RAPGEF5: variants seen among roughly 807,000 people sequenced by gnomAD.
RAPGEF5 encodes the protein M-Ras-regulated GEF.
A neutral mutation model predicts 125.2 loss-of-function variants in RAPGEF5; 65 were observed. The ratio of observed to expected loss-of-function variants is 0.52; its 90% CI spans 0.43 to 0.64. The LOEUF (loss-of-function observed/expected upper bound fraction) is 0.64. Ranked by LOEUF, RAPGEF5 falls within the 30% of genes least tolerant of loss-of-function variation. RAPGEF5 has a pLI of 0.00. For missense variants in RAPGEF5, 958 were observed against 1,048.1 expected (o/e 0.91, Z 1.19); for synonymous variants, 391 against 385.9 (o/e 1.01, Z -0.16).
intron 25 of RAPGEF5, among the ~76,000 whole-genome samples, chr7:22,124,907 C>T (rs931723753): frequency 1.3e-5 from 2 of 152,270 alleles, no homozygotes; most frequent in East Asian, 1.9e-4. Flanking sequence ...GGTTAATAAT[C>T]CCCATTTGCT....
At chr7:22,334,414 A>G (rs1378445405) in intron 1 of RAPGEF5, among the ~76,000 whole-genome samples, 1 of 152,256 alleles carries the variant, frequency 6.6e-6, no homozygotes, top group Non-Finnish European at 1.5e-5. Context: ...GTCTTTATGT[A>G]TCCTCTGTCG....
intron 1 of RAPGEF5, among the ~76,000 whole-genome samples, chr7:22,336,239 C>G (rs1449487232): frequency 6.6e-6 from 1 of 152,186 alleles, no homozygotes; most frequent in Non-Finnish European, 1.5e-5. Context: ...TGACTGCCAC[C>G]TTACATCTGT....
At chr7:22,139,666 T>C (rs578238629) in intron 21 of RAPGEF5, 78 of 173,224 alleles carry the variant, frequency 4.5e-4, no homozygotes, top group South Asian at 2.0e-3. Flanking sequence ...TGTGAACACA[T>C]TGCCAGGGGC....
intron 8 of RAPGEF5, among the ~76,000 whole-genome samples, chr7:22,222,825 A>C (rs1785825437): frequency 6.6e-6 from 1 of 152,228 alleles, no homozygotes; most frequent in African/African-American, 2.4e-5. Flanking sequence ...TGGTTTTCAC[A>C]TAAGACATGG....
chr7:22,184,082 CA>C (rs1383278057), intron 11 of RAPGEF5, among the ~76,000 whole-genome samples: 34 of 152,328 alleles, frequency 2.2e-4, no homozygotes, highest in African/African-American at 8.2e-4. Flanking sequence ...GTAAAATGGT[CA>C]ACCTTTTGTG....
intron 7 of RAPGEF5, among the ~76,000 whole-genome samples, chr7:22,263,883 T>C (rs1045879438): frequency 1.3e-5 from 2 of 152,130 alleles, no homozygotes; most frequent in Admixed American, 1.3e-4. Context: ...GATATATAAC[T>C]TTCAAATTTC....
At chr7:22,280,405 C>G (rs996107537) in intron 6 of RAPGEF5, among the ~76,000 whole-genome samples, 8 of 152,104 alleles carry the variant, frequency 5.3e-5, no homozygotes, top group African/African-American at 1.9e-4. Flanking sequence ...AAAACCAACC[C>G]TGGCCCTTTT....
chr7:22,353,680 T>G (rs917885981), intron 1 of RAPGEF5, among the ~76,000 whole-genome samples: 1 of 152,192 alleles, frequency 6.6e-6, no homozygotes, highest in African/African-American at 2.4e-5. Flanking sequence ...TGCTACTGAT[T>G]TTTAAGAGGT....
In RAPGEF5 at chr7:22,345,979, C is replaced by T. The variant is rs1409908813; in HGVS notation, c.231+10851G>A. On this transcript the variant is annotated intron_variant, in intron 1 of 25. Transcript: ENST00000665637. ...TAGATCCCTTTCCCATTTTCAAATG[C>T]TCCCTCTGCTAATGCATTAACTTCT... Among the ~76,000 whole-genome samples, 4 of 152,160 alleles carry T rather than the reference C, an allele frequency of 2.6e-5. No individual in the cohort carries two copies. The East Asian group carries it at 7.7e-4, about 29-fold the overall frequency.
chr7:22,244,044 A>T (rs994369168), intron 7 of RAPGEF5, among the ~76,000 whole-genome samples: 7 of 152,246 alleles, frequency 4.6e-5, no homozygotes, highest in Admixed American at 4.6e-4. Context: ...GAGATCATGT[A>T]GTATTTCTCT....
chr7:22,146,749 G>T, intron 19 of RAPGEF5, 148 bp downstream of exon 19: 1 of 1,027,668 alleles, frequency 9.7e-7, no homozygotes. Flanking sequence ...TTAGAATTGA[G>T]TCAGTCTTTC....
At chr7:22,290,434 T>C (rs1330209566) in intron 6 of RAPGEF5, among the ~76,000 whole-genome samples, 1 of 152,196 alleles carries the variant, frequency 6.6e-6, no homozygotes, top group African/African-American at 2.4e-5. Flanking sequence ...TTACAAAGTC[T>C]AATCAATAGC....
intron 5 of RAPGEF5, among the ~76,000 whole-genome samples, chr7:22,301,476 G>A (rs373913904): frequency 2.6e-5 from 4 of 152,038 alleles, no homozygotes; most frequent in East Asian, 1.9e-4. Flanking sequence ...TTAGCTGGGC[G>A]TGGTGGCGGG....
chr7:22,152,325 T>C (rs114332190), intron 17 of RAPGEF5, among the ~76,000 whole-genome samples: 3,587 of 152,316 alleles, frequency 0.024, 49 homozygotes, highest in Middle Eastern at 0.065. Context: ...CCTTCTTTGT[T>C]CAGCTATAAT....
intron 13 of RAPGEF5, among the ~76,000 whole-genome samples, chr7:22,161,040 CAAA>C (rs58855860): frequency 5.1e-4 from 74 of 146,086 alleles, no homozygotes; most frequent in Admixed American, 2.6e-3. Flanking sequence ...ACTAAAAATA[CAAA>C]AAAAAAAAAA....
At chr7:22,234,643 G>A (rs573746253) in intron 7 of RAPGEF5, among the ~76,000 whole-genome samples, 4 of 152,276 alleles carry the variant, frequency 2.6e-5, no homozygotes, top group South Asian at 4.2e-4. Context: ...TAACAGATTC[G>A]TTAAGGGTAC....
At chr7:22,219,821 T>C in intron 9 of RAPGEF5, 45 bp downstream of exon 9, 1 of 1,529,456 alleles carries the variant, frequency 6.5e-7, no homozygotes, top group Non-Finnish European at 8.8e-7. Context: ...GCAAAAACAT[T>C]TTCCACCCCT....
chr7:22,121,108 T>C lies in RAPGEF5; in HGVS notation c.*1298A>G, dbSNP rs1044808083. 6.6e-6 allele frequency: 1 copy of C among 151,750 alleles called. No individual in the cohort carries two copies. Among genetic ancestry groups the C allele is most frequent in the Non-Finnish European group, 1.5e-5 (1 of 68,010 alleles). 9.4% of individuals were successfully genotyped at this position (151,750 alleles called of 1,614,324 possible). On this transcript the variant is annotated 3_prime_UTR_variant, in exon 26 of 26. Transcript: ENST00000665637. ...TTTGACCCATAGGCTGTTTTGTTCA[T>C]GTGAAGGTTGAAAGAAATCCTCTAA... is the stretch of plus-strand genomic sequence containing the variant.
At chr7:22,242,955 AAAAAAAAAAAG>A (rs1182563353) in intron 7 of RAPGEF5, among the ~76,000 whole-genome samples, 3 of 146,506 alleles carry the variant, frequency 2.0e-5, no homozygotes, top group African/African-American at 8.2e-5. Flanking sequence ...CTCAAAAAAA[AAAAAAAAAAAG>A]AAAGAAAGAA....
Sources: gnomAD v4.1 joint callset for allele counts (sites outside exome capture counted in the v4.1 genomes callset) on GRCh38, gnomAD v4.1.1 for gene constraint, MANE v1.5 for transcripts, NCBI Gene and HGNC (gene_info 2026-07-23, HGNC 2026-07-21) for gene names.